Variants in SGCD observed in about 807,000 individuals in gnomAD.
SGCD encodes the protein delta-sarcoglycan.
SGCD carries 18 observed loss-of-function variants against 36.6 expected under a neutral mutation model. The ratio of observed to expected loss-of-function variants is 0.49; its 90% CI spans 0.34 to 0.73. The LOEUF (loss-of-function observed/expected upper bound fraction) is 0.73. Among genes scored for constraint, SGCD ranks in the 30% least tolerant of loss-of-function variants. SGCD has a pLI of 0.01. For missense variants in SGCD, 387 were observed against 346.7 expected (o/e 1.12, Z -0.92); for synonymous variants, 133 against 130.6 (o/e 1.02, Z -0.12).
chr5:156,366,791 A>G (rs1048116767), intron 3 of SGCD, among the ~76,000 whole-genome samples: 1 of 152,230 alleles, frequency 6.6e-6, no homozygotes, highest in Admixed American at 6.5e-5. Flanking sequence ...GGCAAAGCAT[A>G]TGTTACCAGT....
intron 3 of SGCD, among the ~76,000 whole-genome samples, chr5:156,447,117 C>T (rs904169532): frequency 2.6e-5 from 4 of 152,104 alleles, no homozygotes; most frequent in African/African-American, 9.7e-5. Context: ...GGGAATTTCA[C>T]GGCGTTTTAT....
At chr5:156,423,379 TAA>T (rs1773499290) in intron 3 of SGCD, among the ~76,000 whole-genome samples, 1 of 103,464 alleles carries the variant, frequency 9.7e-6, no homozygotes, top group Non-Finnish European at 1.8e-5. Flanking sequence ...TATTTTATTA[TAA>T]TATAATATAT....
At chr5:156,535,897 A>G (rs552641876) in intron 4 of SGCD, among the ~76,000 whole-genome samples, 4 of 152,186 alleles carry the variant, frequency 2.6e-5, no homozygotes, top group Middle Eastern at 3.2e-3. Flanking sequence ...ATTAAATACT[A>G]TATTATATGG....
intron 1 of SGCD, among the ~76,000 whole-genome samples, chr5:155,945,740 A>G (rs1468466400): frequency 6.6e-6 from 1 of 152,132 alleles, no homozygotes; most frequent in Non-Finnish European, 1.5e-5. Flanking sequence ...GGATGGCGAG[A>G]TAAGATGGGG....
chr5:156,068,898 T>C (rs1421828213), intron 1 of SGCD, among the ~76,000 whole-genome samples: 1 of 152,028 alleles, frequency 6.6e-6, no homozygotes, highest in Non-Finnish European at 1.5e-5. Flanking sequence ...TTTTCATGTG[T>C]TTTTTGGCTG....
At chr5:156,317,710 C>T (rs751188797) in intron 3 of SGCD, among the ~76,000 whole-genome samples, 7 of 152,162 alleles carry the variant, frequency 4.6e-5, no homozygotes, top group Admixed American at 2.0e-4. Flanking sequence ...TGTGTTGATA[C>T]TAATCATGTC....
intron 1 of SGCD, among the ~76,000 whole-genome samples, chr5:155,881,642 G>A (rs1185053925): frequency 6.6e-6 from 1 of 152,100 alleles, no homozygotes; most frequent in Non-Finnish European, 1.5e-5. Context: ...CTCCTTGATG[G>A]ATTCTTCCTT....
intron 6 of SGCD, among the ~76,000 whole-genome samples, chr5:156,644,829 G>A (rs1359256537): frequency 6.6e-6 from 1 of 152,066 alleles, no homozygotes; most frequent in East Asian, 1.9e-4. Context: ...GACACTTTGA[G>A]TCAAAAGTAT....
intron 3 of SGCD, among the ~76,000 whole-genome samples, chr5:156,501,304 C>T (rs185053505): frequency 2.0e-4 from 30 of 152,308 alleles, no homozygotes; most frequent in Admixed American, 1.8e-3. Context: ...TGCAGTTAGG[C>T]TACTGCTGCT....
At chr5:156,115,981 T>C (rs1040002746) in intron 1 of SGCD, among the ~76,000 whole-genome samples, 1 of 152,160 alleles carries the variant, frequency 6.6e-6, no homozygotes, top group Non-Finnish European at 1.5e-5. Context: ...CTTCTTACTC[T>C]TGAAATGTTA....
chr5:156,468,336 T>C (rs1754800301), intron 3 of SGCD, among the ~76,000 whole-genome samples: 1 of 89,052 alleles, frequency 1.1e-5, no homozygotes, highest in South Asian at 5.2e-4. Context: ...AGTGAGACCT[T>C]GTCTCAAAAA....
At chr5:156,342,729 C>A (rs1335714895) in intron 2 of SGCD, among the ~76,000 whole-genome samples, 2 of 152,190 alleles carry the variant, frequency 1.3e-5, no homozygotes, top group African/African-American at 4.8e-5. Flanking sequence ...GAACCCAGTG[C>A]TTTGGGAGCC....
intron 6 of SGCD, among the ~76,000 whole-genome samples, chr5:156,605,320 A>G (rs9885279): frequency 0.32 from 48,296 of 151,770 alleles, 8,575 homozygotes; most frequent in African/African-American, 0.49. Context: ...TTGTCCTTGC[A>G]ATAGTTTGCT....
At chr5:156,084,965 C>G (rs528348593) in intron 1 of SGCD, among the ~76,000 whole-genome samples, 1 of 152,198 alleles carries the variant, frequency 6.6e-6, no homozygotes, top group South Asian at 2.1e-4. Context: ...TTTCTTCATT[C>G]GCTTGTTGAT....
At chr5:156,307,821 T>C (rs1307042708) in intron 3 of SGCD, among the ~76,000 whole-genome samples, 2 of 152,088 alleles carry the variant, frequency 1.3e-5, no homozygotes, top group Non-Finnish European at 2.9e-5. Flanking sequence ...CTTTCAGTTG[T>C]TGATGTAACA....
chr5:156,521,333 A>T (rs1212653464), intron 4 of SGCD, among the ~76,000 whole-genome samples: 1 of 152,196 alleles, frequency 6.6e-6, no homozygotes, highest in Non-Finnish European at 1.5e-5. Context: ...CAATTGCAAC[A>T]AGAGCAAAAA....
chr5:156,715,020 C>T (rs1755156936), intron 7 of SGCD, among the ~76,000 whole-genome samples: 1 of 152,128 alleles, frequency 6.6e-6, no homozygotes, highest in Non-Finnish European at 1.5e-5. Flanking sequence ...TCACTGTTGA[C>T]AGGCTCAGGA....
At chr5:156,653,965 A>C (rs1763573787) in intron 7 of SGCD, among the ~76,000 whole-genome samples, 1 of 152,080 alleles carries the variant, frequency 6.6e-6, no homozygotes, top group East Asian at 1.9e-4. Flanking sequence ...TGGTAGCAAA[A>C]TGGAGGGAAA....
intron 7 of SGCD, among the ~76,000 whole-genome samples, chr5:156,681,916 C>T (rs373982909): frequency 5.6e-4 from 85 of 152,198 alleles, no homozygotes; most frequent in African/African-American, 2.0e-3. Flanking sequence ...GTTGCCAAAG[C>T]AAATGCTATT....
Sources: allele counts gnomAD v4.1 joint callset (sites outside exome capture counted in the v4.1 genomes callset), GRCh38; gene constraint gnomAD v4.1.1; transcripts MANE v1.5; gene names NCBI Gene and HGNC (gene_info 2026-07-23, HGNC 2026-07-21).